Variants in CHD2 observed in about 807,000 individuals in gnomAD.
CHD2 encodes ATP-dependent chromatin remodeler CHD2.
In CHD2, 28 loss-of-function variants were observed where a neutral mutation model predicts 243.9. That is an observed-to-expected ratio of 0.11 (90% CI 0.09 to 0.16). CHD2 has a LOEUF of 0.16. Among genes scored for constraint, CHD2 ranks in the 10% least tolerant of loss-of-function variants. CHD2 has a pLI of 1.00. For missense variants in CHD2, 1,386 were observed against 2,209.8 expected, an observed-to-expected ratio of 0.63 and a Z score of 7.47; for synonymous variants, 775 against 779.0, an observed-to-expected ratio of 0.99 and a Z score of 0.09.
chr15:92,972,255 A>G lies in CHD2; in HGVS notation c.2353-10A>G, dbSNP rs190159225. 2,740 of 1,603,684 alleles carry G rather than the reference A, an allele frequency of 1.7e-3. 7 individuals are homozygous for G. Among genetic ancestry groups the G allele is most frequent in the Middle Eastern group, 6.8e-3 (41 of 6,020 alleles). ...CAACATAATTATTGGAATGTCTTTTAAATCTTCAGTCCCTCATAAGGAGCA... is the reference window on the plus strand; with the variant it reads ...CAACATAATTATTGGAATGTCTTTTGAATCTTCAGTCCCTCATAAGGAGCA... On this transcript the variant is annotated splice_polypyrimidine_tract_variant and intron_variant, in intron 18 of 38. Coordinates refer to ENST00000394196, the MANE Select transcript of CHD2 (RefSeq NM_001271.4).
intron 34 of CHD2, among the ~76,000 whole-genome samples, chr15:93,006,249 C>T (rs2054320581): frequency 6.6e-6 from 1 of 151,586 alleles, no homozygotes; most frequent in African/African-American, 2.4e-5. Flanking sequence ...GCCTCAGCCT[C>T]CTGAGTAGCT....
intron 13 of CHD2, among the ~76,000 whole-genome samples, chr15:92,950,161 A>C (rs922781929): frequency 6.6e-6 from 1 of 152,260 alleles, no homozygotes; most frequent in Admixed American, 6.5e-5. Flanking sequence ...AACCTGGTTA[A>C]AGTACAAGGA....
At chr15:93,000,210 G>A (rs947013895) in intron 31 of CHD2, among the ~76,000 whole-genome samples, 6 of 152,078 alleles carry the variant, frequency 3.9e-5, no homozygotes, top group African/African-American at 1.4e-4. Context: ...AGGTTGCAGT[G>A]AGGCAAGATG....
chr15:92,932,025 G>T (rs1567130406), intron 5 of CHD2, among the ~76,000 whole-genome samples: 1 of 152,066 alleles, frequency 6.6e-6, no homozygotes. Flanking sequence ...ACCACGTCCA[G>T]CTAATTTTTT....
chr15:92,949,106 C>T (rs1346565938), intron 13 of CHD2, 30 bp downstream of exon 13: 5 of 1,600,822 alleles, frequency 3.1e-6, no homozygotes, highest in East Asian at 2.2e-5. Flanking sequence ...TGCAATTTTC[C>T]TTACTGTTTC....
intron 33 of CHD2, among the ~76,000 whole-genome samples, chr15:93,003,933 G>A (rs2054288710): frequency 6.6e-6 from 1 of 151,970 alleles, no homozygotes; most frequent in Non-Finnish European, 1.5e-5. Flanking sequence ...AGACCTGCCT[G>A]GACAACATGG....
At chr15:92,994,690 G>C (rs562596357) in intron 28 of CHD2, among the ~76,000 whole-genome samples, 2 of 152,298 alleles carry the variant, frequency 1.3e-5, no homozygotes, top group African/African-American at 4.8e-5. Flanking sequence ...ACTTCTTGAT[G>C]CTTTTGAGAA....
intron 20 of CHD2, among the ~76,000 whole-genome samples, chr15:92,975,972 A>T (rs907884669): frequency 6.6e-6 from 1 of 152,192 alleles, no homozygotes; most frequent in Non-Finnish European, 1.5e-5. Flanking sequence ...CCTCAGCTGT[A>T]AAATCACAAT....
chr15:92,908,878 G>C (rs1231823764), intron 2 of CHD2, among the ~76,000 whole-genome samples: 1 of 152,102 alleles, frequency 6.6e-6, no homozygotes, highest in African/African-American at 2.4e-5. Context: ...CAGCAGTTTG[G>C]GAGGCCCAGG....
At chr15:92,940,434 T>G (rs910526262) in intron 7 of CHD2, among the ~76,000 whole-genome samples, 2 of 151,996 alleles carry the variant, frequency 1.3e-5, no homozygotes, top group Non-Finnish European at 2.9e-5. Flanking sequence ...GCAAAAAAGC[T>G]AGATCCTGTC....
intron 5 of CHD2, among the ~76,000 whole-genome samples, chr15:92,929,641 A>G (rs904559480): frequency 6.6e-6 from 1 of 152,116 alleles, no homozygotes; most frequent in Admixed American, 6.6e-5. Flanking sequence ...AGTTCGATTT[A>G]TATGATATGA....
chr15:92,942,050 C>A, intron 8 of CHD2, 95 bp downstream of exon 8: 1 of 1,206,068 alleles, frequency 8.3e-7, no homozygotes, highest in Non-Finnish European at 1.2e-6. Flanking sequence ...TTTTAGTCTA[C>A]TGCTGTATTT....
chr15:92,955,664 A>G (rs530291165), intron 15 of CHD2, 152 bp downstream of exon 15: 14 of 464,458 alleles, frequency 3.0e-5, no homozygotes, highest in Middle Eastern at 6.1e-4. Context: ...CCTACTTGCC[A>G]TGTTACTTTT....
At chr15:92,969,454 G>A (rs920476651) in intron 17 of CHD2, among the ~76,000 whole-genome samples, 3 of 152,168 alleles carry the variant, frequency 2.0e-5, no homozygotes, top group Non-Finnish European at 2.9e-5. Context: ...ATAGGCTGTC[G>A]TGTTCTGCAG....
intron 5 of CHD2, among the ~76,000 whole-genome samples, chr15:92,934,540 G>A (rs2053231536): frequency 6.6e-6 from 1 of 152,220 alleles, no homozygotes; most frequent in South Asian, 2.1e-4. Context: ...GACTTACAAT[G>A]TATGGCTTAG....
intron 10 of CHD2, chr15:92,945,237 G>A (rs2053443277): frequency 6.6e-6 from 1 of 152,368 alleles, no homozygotes; most frequent in African/African-American, 2.4e-5. Flanking sequence ...GGAGTGGTGA[G>A]GGTGCGGCCT....
chr15:93,012,484 C>T, intron 36 of CHD2, 40 bp downstream of exon 36: 2 of 1,396,192 alleles, frequency 1.4e-6, no homozygotes. Flanking sequence ...CAAACAAATA[C>T]CAATTCCACA....
intron 6 of CHD2, 95 bp from the exon 7 acceptor site, chr15:92,939,483 A>G (rs2053322475): frequency 7.8e-7 from 1 of 1,275,670 alleles, no homozygotes; most frequent in Non-Finnish European, 1.1e-6. Flanking sequence ...TTACATTCTG[A>G]TGTATGAACC....
chr15:92,949,362 G>A (rs908439712), intron 13 of CHD2: 1 of 496,480 alleles, frequency 2.0e-6, no homozygotes, highest in African/African-American at 2.0e-5. Flanking sequence ...ACTCATGAGT[G>A]TATATAGCAA....
Sources: gnomAD v4.1 joint callset for allele counts (sites outside exome capture counted in the v4.1 genomes callset) on GRCh38, gnomAD v4.1.1 for gene constraint, MANE v1.5 for transcripts, NCBI Gene and HGNC (gene_info 2026-07-23, HGNC 2026-07-21) for gene names.